PIAS4: variants seen among roughly 807,000 people sequenced by gnomAD.
The protein encoded by PIAS4 is E3 SUMO-protein ligase PIAS4.
In PIAS4, 7 loss-of-function variants were observed where a neutral mutation model predicts 58.0. That is an observed-to-expected ratio of 0.12 (90% CI 0.07 to 0.23). PIAS4 has a LOEUF of 0.23. Among genes scored for constraint, PIAS4 ranks in the 10% least tolerant of loss-of-function variants. The pLI is 1.00. For missense variants in PIAS4, 550 were observed against 709.5 expected (o/e 0.78, Z 2.55); for synonymous variants, 364 against 312.4 (o/e 1.17, Z -1.74).
rs77909790 is a variant in PIAS4 at position 4,015,969 on chromosome 19, G to C, written c.454+2620G>C. 2.3e-4 allele frequency among the ~76,000 whole-genome samples: 35 copies of C among 152,306 alleles called. No homozygotes were observed. In the East Asian group the frequency reaches 6.6e-3, roughly 29 times the overall value. On this transcript the variant is annotated intron_variant, in intron 2 of 10. Transcript: ENST00000262971. ...CTGTAGGTGATCGGCTCCAGTGGGAGGTGCCGTGTGTGGGGACGGGGCTGG... is the reference window on the plus strand; with the variant it reads ...CTGTAGGTGATCGGCTCCAGTGGGACGTGCCGTGTGTGGGGACGGGGCTGG...
intron 1 of PIAS4, among the ~76,000 whole-genome samples, chr19:4,010,332 G>A (rs754039838): frequency 1.3e-5 from 2 of 152,220 alleles, no homozygotes; most frequent in Admixed American, 1.3e-4. Flanking sequence ...CCTGGGTGGG[G>A]CAGGGGCTCC....
At chr19:4,022,937 C>CGAGGTGGGCAGATCACCT (rs2040124636) in intron 2 of PIAS4, among the ~76,000 whole-genome samples, 1 of 151,494 alleles carries the variant, frequency 6.6e-6, no homozygotes, top group Middle Eastern at 3.2e-3. Flanking sequence ...ATTGGGAGGC[C>CGAGGTGGGCAGATCACCT]GAGGTGGGCA....
At position 4,013,274 on chromosome 19, in the gene PIAS4, C is replaced by G; in HGVS notation, c.379C>G (p.Leu127Val). 7.4e-6 allele frequency: 12 copies of G among 1,613,328 alleles called. No homozygotes were observed. Among genetic ancestry groups the G allele is most frequent in the Non-Finnish European group, 1.0e-5 (12 of 1,180,012 alleles). The change falls in exon 2 of 11, where the codon CTC becomes GTC. Residue 127 changes from leucine to valine, a missense_variant. This residue lies in a region of PIAS4 where 95 missense variants were observed against 87.5 expected (regional missense o/e 1.09). Transcript: ENST00000262971. The surrounding 1 kb of genome is among the most constrained non-coding windows in gnomAD (Gnocchi z 5.1). ...NGLGRLPAKT[L>V]KPEVRLVKLP... ...ACTGGGACGGTTGCCCGCCAAGACC[C>G]TCAAGCCAGAAGTCCGCCTGGTGAA...
rs2040323175 is a variant in PIAS4 at position 4,038,185 on chromosome 19, G to A, written c.*310G>A. ...AGTCCGAGCCGGGAAGGGGTAGTGGGCGGGAGGGACCAGGACGCCGCCCCG... is the reference window on the plus strand; with the variant it reads ...AGTCCGAGCCGGGAAGGGGTAGTGGACGGGAGGGACCAGGACGCCGCCCCG... On this transcript the variant is annotated 3_prime_UTR_variant, in exon 11 of 11. Transcript: ENST00000262971. This position sits in a 1 kb window ranked among gnomAD's most constrained non-coding sequence, Gnocchi z 4.1. 5.8e-6 allele frequency: 2 copies of A among 345,288 alleles called. No individual in the cohort carries two copies. Among genetic ancestry groups the A allele is most frequent in the Admixed American group, 9.9e-5 (2 of 20,192 alleles). The allele number at this position is 345,288 out of a possible 1,614,324, so 21.4% of individuals were successfully genotyped here.
chr19:4,035,615 C>CCTCTG (rs1290243685), intron 9 of PIAS4, among the ~76,000 whole-genome samples: 1 of 152,090 alleles, frequency 6.6e-6, no homozygotes, highest in African/African-American at 2.4e-5. Context: ...ACCCTCACAG[C>CCTCTG]CTCTGCAGGG....
Position 4,028,795 on chromosome 19 carries a change from T to C in PIAS4, c.748T>C (p.Tyr250His). 6.2e-7 allele frequency: 1 copy of C among 1,613,626 alleles called. No homozygotes were observed. Among genetic ancestry groups the C allele is most frequent in the East Asian group, 2.2e-5 (1 of 44,870 alleles). ...CRPINLTHLM[Y>H]LSSATNRITV... ...CCCCATCAACCTCACCCACCTCATG[T>C]ACCTGTCCTCGGCCACCAACCGCAT... Residue 250 changes from tyrosine (Y) to histidine (H), a missense_variant, in exon 6 of 11, where the codon TAC (tyrosine) becomes CAC (histidine). This residue lies in a region of PIAS4 where 225 missense variants were observed against 345.8 expected (regional missense o/e 0.65). Transcript: ENST00000262971.
At chr19:4,021,746 T>C (rs954383443) in intron 2 of PIAS4, among the ~76,000 whole-genome samples, 54 of 145,492 alleles carry the variant, frequency 3.7e-4, no homozygotes, top group South Asian at 9.0e-4. Context: ...CTTTTTCTTT[T>C]TTTTTTTTTT....
rs1334936051 is a variant in PIAS4 at position 4,013,775 on chromosome 19, G to A, written c.454+426G>A. Among the ~76,000 whole-genome samples, 1 of 152,204 alleles carries A rather than the reference G, an allele frequency of 6.6e-6. No individual in the cohort carries two copies. Among genetic ancestry groups the A allele is most frequent in the East Asian group, 1.9e-4 (1 of 5,198 alleles). The stretch of plus-strand genomic sequence containing the variant: ...TGGCCACAGTCCCCAGGTCCTCATG[G>A]TGCGGACTCCTGCACGGATTGCCTG... On this transcript the variant is annotated intron_variant, in intron 2 of 10. Transcript: ENST00000262971. The surrounding 1 kb of genome is among the most constrained non-coding windows in gnomAD (Gnocchi z 5.1).
chr19:4,032,682 C>G (rs907158517), intron 7 of PIAS4, among the ~76,000 whole-genome samples: 3 of 152,176 alleles, frequency 2.0e-5, no homozygotes, highest in Non-Finnish European at 4.4e-5. Context: ...CCAGGAAGCC[C>G]CAGGATCCGT....
At chr19:4,025,858 G>C (rs1233644979) in intron 3 of PIAS4, among the ~76,000 whole-genome samples, 2 of 152,058 alleles carry the variant, frequency 1.3e-5, no homozygotes, top group African/African-American at 4.8e-5. Flanking sequence ...TGGATCACGA[G>C]GTCAGAAGAT....
intron 9 of PIAS4, among the ~76,000 whole-genome samples, chr19:4,036,724 A>G (rs1262369987): frequency 2.0e-5 from 3 of 151,056 alleles, no homozygotes; most frequent in Non-Finnish European, 4.4e-5. Context: ...ACACATCTCT[A>G]CAGTCCACAC....
intron 7 of PIAS4, among the ~76,000 whole-genome samples, chr19:4,031,643 C>T (rs2040223536): frequency 6.6e-6 from 1 of 152,140 alleles, no homozygotes; most frequent in Non-Finnish European, 1.5e-5. Context: ...GGCTTAACTC[C>T]TCAGTGACCA....
intron 7 of PIAS4, among the ~76,000 whole-genome samples, chr19:4,032,465 A>C (rs1379215901): frequency 3.3e-5 from 5 of 152,184 alleles, no homozygotes; most frequent in Admixed American, 6.5e-5. Flanking sequence ...TCCCTGCGTG[A>C]GTTTCCTTCT....
intron 9 of PIAS4, among the ~76,000 whole-genome samples, chr19:4,033,830 C>T (rs2040249105): frequency 6.6e-6 from 1 of 152,238 alleles, no homozygotes; most frequent in Non-Finnish European, 1.5e-5. Context: ...GTCCACCCCG[C>T]TCCCACGTGA....
At chr19:4,036,708 A>G (rs1568222616) in intron 9 of PIAS4, among the ~76,000 whole-genome samples, 1 of 133,902 alleles carries the variant, frequency 7.5e-6, no homozygotes, top group African/African-American at 3.7e-5. Context: ...ACACCATCAT[A>G]CACACACACA....
chr19:4,026,705 CAG>C lies in PIAS4; in HGVS notation c.540-1439_540-1438del, dbSNP rs561682757. Among the ~76,000 whole-genome samples the C allele has an allele frequency of 1.7e-4, 26 of 151,854 alleles. No homozygotes were observed. The East Asian group carries it at 4.7e-3, about 28-fold the overall frequency. On this transcript the variant is annotated intron_variant, in intron 3 of 10. Coordinates refer to ENST00000262971, the MANE Select transcript of PIAS4 (RefSeq NM_015897.4). Reference sequence around the variant, plus strand: ...TTTCGTTTATTATTATTATTTAAGACAGAATCTCACTCTGTCGCCCAGGCTGG... The same window carrying C: ...TTTCGTTTATTATTATTATTTAAGACAATCTCACTCTGTCGCCCAGGCTGG...
At chr19:4,023,748 C>T (rs75538555) in intron 2 of PIAS4, among the ~76,000 whole-genome samples, 288 of 152,332 alleles carry the variant, frequency 1.9e-3, no homozygotes, top group African/African-American at 6.6e-3. Context: ...CGGCACTTTT[C>T]GGTTTCCTAA....
At chr19:4,023,883 C>T (rs1006603932) in intron 2 of PIAS4, among the ~76,000 whole-genome samples, 153 bp from the exon 3 acceptor site, 1 of 152,208 alleles carries the variant, frequency 6.6e-6, no homozygotes, top group Non-Finnish European at 1.5e-5. Context: ...CATCCTCCTT[C>T]CTGGGCGGCC....
intron 2 of PIAS4, among the ~76,000 whole-genome samples, chr19:4,019,969 T>C (rs2084108): frequency 0.33 from 49,679 of 149,612 alleles, 8,703 homozygotes; most frequent in African/African-American, 0.43. Flanking sequence ...CGGGCTGGAG[T>C]GCAGCGGCAG....
Sources: allele counts gnomAD v4.1 joint callset (sites outside exome capture counted in the v4.1 genomes callset), GRCh38; gene constraint gnomAD v4.1.1; regional missense constraint gnomAD v4.1.1; non-coding constraint Gnocchi (gnomAD v3.1); transcripts MANE v1.5; gene names NCBI Gene and HGNC (gene_info 2026-07-23, HGNC 2026-07-21).